ENOX1: variants seen among roughly 807,000 people sequenced by gnomAD.
The protein encoded by ENOX1 is candidate growth-related and time keeping constitutive hydroquinone (NADH) oxidase.
A neutral mutation model predicts 82.5 loss-of-function variants in ENOX1; 42 were observed. The observed-to-expected ratio is 0.51, with a 90% CI of 0.40 to 0.66. The LOEUF (loss-of-function observed/expected upper bound fraction) is 0.66, where lower values mean the gene tolerates loss of function less well. ENOX1 is among the 30% of genes least tolerant of loss of function. The pLI is 0.00. For missense variants in ENOX1, 608 were observed against 811.6 expected, an observed-to-expected ratio of 0.75 and a Z score of 3.05; for synonymous variants, 271 against 282.2, an observed-to-expected ratio of 0.96 and a Z score of 0.40.
chr13:43,531,598 C>T (rs1378977431), intron 2 of ENOX1, among the ~76,000 whole-genome samples: 1 of 147,130 alleles, frequency 6.8e-6, no homozygotes, highest in Admixed American at 6.9e-5. Context: ...GATTATAAAT[C>T]ATGCTGCTAT....
intron 2 of ENOX1, among the ~76,000 whole-genome samples, chr13:43,526,544 A>G (rs1156620272): frequency 6.6e-6 from 1 of 152,186 alleles, no homozygotes; most frequent in Non-Finnish European, 1.5e-5. Flanking sequence ...AAAGAAACAG[A>G]GAAAAGCAGT....
At chr13:43,238,144 A>G (rs2153460015) in intron 14 of ENOX1, among the ~76,000 whole-genome samples, 1 of 152,324 alleles carries the variant, frequency 6.6e-6, no homozygotes, top group Non-Finnish European at 1.5e-5. Flanking sequence ...AAATCCCAAT[A>G]AGGACAGGAG....
At chr13:43,572,935 A>G (rs2080248351) in intron 2 of ENOX1, among the ~76,000 whole-genome samples, 1 of 152,192 alleles carries the variant, frequency 6.6e-6, no homozygotes, top group African/African-American at 2.4e-5. Flanking sequence ...CTCCTCATAC[A>G]TATCATTGAG....
chr13:43,419,272 C>A (rs1241606528), intron 3 of ENOX1, among the ~76,000 whole-genome samples: 1 of 152,076 alleles, frequency 6.6e-6, no homozygotes, highest in Non-Finnish European at 1.5e-5. Context: ...TCTACAACCC[C>A]AGATAGGAGC....
At position 43,500,378 on chromosome 13, in the gene ENOX1, G is replaced by C. The variant is rs151009134; in HGVS notation, c.-218-16226C>G. Among the ~76,000 whole-genome samples, 572 of 152,184 alleles carry C rather than the reference G, an allele frequency of 3.8e-3. 4 individuals are homozygous for C. The highest frequency in any genetic ancestry group is 0.013 in the African/African-American group (536 of 41,550). ...TATATAAATCTCCATACAACTATTAGCAGATTTTTCAGCAGAAATGTTGCA... is the reference window on the plus strand; with the variant it reads ...TATATAAATCTCCATACAACTATTACCAGATTTTTCAGCAGAAATGTTGCA... On this transcript the variant is annotated intron_variant, in intron 2 of 16. Coordinates refer to ENST00000690772, the MANE Select transcript of ENOX1 (RefSeq NM_001347969.2).
At chr13:43,303,398 A>G (rs1000189412) in intron 11 of ENOX1, among the ~76,000 whole-genome samples, 11 of 152,180 alleles carry the variant, frequency 7.2e-5, no homozygotes, top group Non-Finnish European at 1.6e-4. Flanking sequence ...AGGCCTTTAG[A>G]AGCTATTCTG....
intron 2 of ENOX1, among the ~76,000 whole-genome samples, chr13:43,651,938 G>A (rs191170750): frequency 2.2e-4 from 29 of 130,158 alleles, no homozygotes; most frequent in Admixed American, 1.2e-3. Context: ...TCGTGCCATC[G>A]CAGCCTGGGC....
intron 11 of ENOX1, chr13:43,321,086 T>C (rs1840445376): frequency 2.2e-6 from 1 of 456,284 alleles, no homozygotes; most frequent in Non-Finnish European, 4.4e-6. Context: ...GGTGCCTACT[T>C]GTATGTTAAG....
At chr13:43,683,023 T>G (rs1489386687) in intron 1 of ENOX1, among the ~76,000 whole-genome samples, 2 of 152,304 alleles carry the variant, frequency 1.3e-5, no homozygotes, top group Middle Eastern at 3.4e-3. Flanking sequence ...AAACTTAGCT[T>G]CAGAGGGAGA....
chr13:43,224,488 A>G (rs192080623), intron 15 of ENOX1, among the ~76,000 whole-genome samples: 63 of 152,358 alleles, frequency 4.1e-4, no homozygotes, highest in Non-Finnish European at 6.6e-4. Context: ...GGATAAAATT[A>G]TCTTTTCTTT....
intron 1 of ENOX1, among the ~76,000 whole-genome samples, chr13:43,774,700 G>A (rs774717519): frequency 4.2e-4 from 64 of 152,110 alleles, no homozygotes; most frequent in Non-Finnish European, 7.6e-4. Context: ...TGGCCTTACA[G>A]ACAGGTTCCA....
At chr13:43,377,740 T>C (rs1240265096) in intron 5 of ENOX1, among the ~76,000 whole-genome samples, 3 of 152,184 alleles carry the variant, frequency 2.0e-5, no homozygotes, top group Non-Finnish European at 4.4e-5. Flanking sequence ...ATGGAGAAAG[T>C]CAAGTGTCAG....
At chr13:43,359,749 A>G (rs901795074) in intron 7 of ENOX1, 102 bp downstream of exon 7, 2 of 1,129,470 alleles carry the variant, frequency 1.8e-6, no homozygotes, top group Non-Finnish European at 2.6e-6. Flanking sequence ...GCCCCAAACT[A>G]TGAAGACTTT....
intron 13 of ENOX1, among the ~76,000 whole-genome samples, chr13:43,266,685 A>G (rs1296441831): frequency 6.6e-6 from 1 of 152,194 alleles, no homozygotes; most frequent in Non-Finnish European, 1.5e-5. Flanking sequence ...GTGTGCCACA[A>G]TAATAGGAAT....
intron 3 of ENOX1, among the ~76,000 whole-genome samples, chr13:43,449,105 G>A (rs1415058636): frequency 6.6e-6 from 1 of 152,176 alleles, no homozygotes. Flanking sequence ...TTTTATAAGA[G>A]TTTAGAGGCC....
chr13:43,223,932 G>A, intron 16 of ENOX1, 121 bp downstream of exon 16: 1 of 663,296 alleles, frequency 1.5e-6, no homozygotes, highest in South Asian at 2.0e-5. Context: ...CAAAAGAGAA[G>A]GGCTGATCAA....
intron 2 of ENOX1, among the ~76,000 whole-genome samples, chr13:43,631,860 A>G (rs1375491497): frequency 1.3e-5 from 2 of 152,190 alleles, no homozygotes; most frequent in Admixed American, 6.5e-5. Context: ...ATTAAATTGT[A>G]AAAACGTGGC....
chr13:43,757,277 C>T (rs915397624), intron 1 of ENOX1, among the ~76,000 whole-genome samples: 1 of 152,190 alleles, frequency 6.6e-6, no homozygotes, highest in Admixed American at 6.5e-5. Flanking sequence ...GGGTCAATTT[C>T]CCCATCCCTT....
At chr13:43,456,475 C>T (rs2057234813) in intron 3 of ENOX1, among the ~76,000 whole-genome samples, 1 of 152,104 alleles carries the variant, frequency 6.6e-6, no homozygotes, top group Non-Finnish European at 1.5e-5. Context: ...TCCGAGGTAA[C>T]AGAGTGGGGA....
Sources: allele counts gnomAD v4.1 joint callset (sites outside exome capture counted in the v4.1 genomes callset), GRCh38; gene constraint gnomAD v4.1.1; transcripts MANE v1.5; gene names NCBI Gene and HGNC (gene_info 2026-07-23, HGNC 2026-07-21).